PPM1D: variants seen among roughly 807,000 people sequenced by gnomAD.
PPM1D encodes protein phosphatase 1D.
In PPM1D, 52 loss-of-function variants were observed where a neutral mutation model predicts 58.3. The ratio of observed to expected loss-of-function variants is 0.89; its 90% confidence interval spans 0.71 to 1.12. PPM1D has a LOEUF of 1.12. Among genes scored for constraint, PPM1D ranks in the 50% most tolerant of loss-of-function variants. PPM1D has a pLI of 0.00. For synonymous variants in PPM1D, 278 were observed against 285.1 expected (o/e 0.98, Z 0.25); for missense variants, 564 against 777.2 (o/e 0.73, Z 3.26).
intron 5 of PPM1D, among the ~76,000 whole-genome samples, chr17:60,658,816 G>A (rs985981697): frequency 6.6e-6 from 1 of 152,070 alleles, no homozygotes; most frequent in East Asian, 1.9e-4. Flanking sequence ...CAAAAAATTA[G>A]CTGGATGTGG....
chr17:60,622,845 C>T (rs1033396595), intron 1 of PPM1D, among the ~76,000 whole-genome samples: 1 of 152,126 alleles, frequency 6.6e-6, no homozygotes, highest in Non-Finnish European at 1.5e-5. Context: ...GCCCATGATC[C>T]CAGCACTTTG....
chr17:60,638,275 C>T (rs1900913036), intron 3 of PPM1D, among the ~76,000 whole-genome samples: 1 of 152,042 alleles, frequency 6.6e-6, no homozygotes, highest in Non-Finnish European at 1.5e-5. Flanking sequence ...TAAATATTTT[C>T]TTTTCAAAAA....
rs959452116 is a variant in PPM1D, at chr17:60,657,731, C to A, written c.1260+890C>A. Reference sequence around the variant, plus strand: ...ATGGCCAGATACAATGGAATGTTTTCATTTCTTTTTCTTTTTTTTGTTTTT... The same window carrying A: ...ATGGCCAGATACAATGGAATGTTTTAATTTCTTTTTCTTTTTTTTGTTTTT... On this transcript the variant is annotated intron_variant, in intron 5 of 5. Transcript: ENST00000305921. Among the ~76,000 whole-genome samples the A allele has an allele frequency of 3.9e-5, 6 of 152,148 alleles. No individual in the cohort carries two copies. The East Asian group carries it at 9.6e-4, about 24-fold the overall frequency.
chr17:60,649,049 G>A (rs185604274), intron 4 of PPM1D, among the ~76,000 whole-genome samples: 130 of 151,944 alleles, frequency 8.6e-4, no homozygotes, highest in Non-Finnish European at 1.6e-3. Flanking sequence ...ATGAGCCACC[G>A]CACCCGGCCT....
intron 4 of PPM1D, among the ~76,000 whole-genome samples, chr17:60,652,613 A>G (rs2031367543): frequency 8.6e-6 from 1 of 116,894 alleles, no homozygotes; most frequent in South Asian, 2.5e-4. Flanking sequence ...TGGCTGCTCT[A>G]ATTTACATTC....
chr17:60,644,904 T>A (rs1479526437), intron 3 of PPM1D, among the ~76,000 whole-genome samples: 1 of 152,182 alleles, frequency 6.6e-6, no homozygotes, highest in Non-Finnish European at 1.5e-5. Context: ...TAACAAACTG[T>A]GTTTAAGATT....
At chr17:60,626,659 G>T (rs553151570) in intron 2 of PPM1D, among the ~76,000 whole-genome samples, 2 of 152,184 alleles carry the variant, frequency 1.3e-5, no homozygotes, top group South Asian at 4.1e-4. Flanking sequence ...CTCCCAAAGT[G>T]CTGGGATTAC....
intron 5 of PPM1D, among the ~76,000 whole-genome samples, chr17:60,661,667 A>T (rs549301083): frequency 1.3e-5 from 2 of 152,264 alleles, no homozygotes; most frequent in East Asian, 3.9e-4. Context: ...GAATTTCCCT[A>T]ACCATTCTCA....
intron 3 of PPM1D, among the ~76,000 whole-genome samples, chr17:60,638,371 A>T (rs1039673573): frequency 1.2e-4 from 17 of 146,962 alleles, no homozygotes; most frequent in Middle Eastern, 3.5e-3. Context: ...ACTTGGAAAA[A>T]TTTTTTTTTT....
intron 4 of PPM1D, among the ~76,000 whole-genome samples, chr17:60,652,420 A>G (rs1249795825): frequency 2.6e-5 from 4 of 152,170 alleles, no homozygotes; most frequent in African/African-American, 7.2e-5. Flanking sequence ...GGATGATTCC[A>G]TATTTGGACT....
chr17:60,601,958 T>G (rs2030221936), intron 1 of PPM1D, among the ~76,000 whole-genome samples: 1 of 152,228 alleles, frequency 6.6e-6, no homozygotes, highest in Non-Finnish European at 1.5e-5. Flanking sequence ...TAACGTTGCT[T>G]TATTTTCAGC....
At chr17:60,605,253 C>T (rs887290410) in intron 1 of PPM1D, among the ~76,000 whole-genome samples, 3 of 152,178 alleles carry the variant, frequency 2.0e-5, no homozygotes, top group African/African-American at 7.2e-5. Flanking sequence ...TGCTTTCTAC[C>T]ATCAGTACAA....
At chr17:60,624,249 T>A (rs1261584418) in intron 2 of PPM1D, among the ~76,000 whole-genome samples, 1 of 152,216 alleles carries the variant, frequency 6.6e-6, no homozygotes, top group African/African-American at 2.4e-5. Flanking sequence ...TTTATATTTT[T>A]ATGATTCAAA....
chr17:60,611,601 T>A (rs2030456428), intron 1 of PPM1D, among the ~76,000 whole-genome samples: 1 of 152,020 alleles, frequency 6.6e-6, no homozygotes, highest in Admixed American at 6.6e-5. Context: ...GTGTTTTTTG[T>A]AGAAATGGGG....
chr17:60,623,631 G>T lies in PPM1D; in HGVS notation c.583G>T (p.Val195Leu). The T allele has an allele frequency of 1.2e-6, 2 of 1,614,216 alleles. No homozygotes were observed. Among genetic ancestry groups the T allele is most frequent in the Non-Finnish European group, 1.7e-6 (2 of 1,180,042 alleles). The part of the protein sequence containing the change: ...MYVAHVGDSG[V>L]VLGIQDDPKD... ...TGTAGCTCACGTAGGTGACTCAGGG[G>T]TGGTTCTTGGAATTCAGGATGACCC... The change falls in exon 2 of 6, where the codon GTG (valine) becomes TTG (leucine). Residue 195 changes from valine to leucine, a missense_variant. Coordinates refer to ENST00000305921, the MANE Select transcript of PPM1D (RefSeq NM_003620.4).
chr17:60,637,784 T>A (rs1222930245), intron 3 of PPM1D, among the ~76,000 whole-genome samples: 1 of 151,464 alleles, frequency 6.6e-6, no homozygotes, highest in Non-Finnish European at 1.5e-5. Flanking sequence ...GGATTAAAAT[T>A]AAAAAAAAAT....
At chr17:60,626,378 G>T in intron 2 of PPM1D, among the ~76,000 whole-genome samples, 1 of 150,714 alleles carries the variant, frequency 6.6e-6, no homozygotes, top group South Asian at 2.1e-4. Flanking sequence ...TCTCAATGAT[G>T]TGTTTTTTTG....
chr17:60,609,445 C>A (rs943665996), intron 1 of PPM1D, among the ~76,000 whole-genome samples: 1 of 152,156 alleles, frequency 6.6e-6, no homozygotes, highest in Non-Finnish European at 1.5e-5. Context: ...ATGCTATTGT[C>A]ATCCCTTATG....
intron 1 of PPM1D, among the ~76,000 whole-genome samples, chr17:60,608,571 A>G (rs558575938): frequency 6.6e-6 from 1 of 152,170 alleles, no homozygotes; most frequent in East Asian, 1.9e-4. Context: ...CAGCCTGGCA[A>G]CAGAGCGAGA....
Sources: gnomAD v4.1 joint callset for allele counts (sites outside exome capture counted in the v4.1 genomes callset) on GRCh38, gnomAD v4.1.1 for gene constraint, MANE v1.5 for transcripts, NCBI Gene and HGNC (gene_info 2026-07-23, HGNC 2026-07-21) for gene names.